The following AFM variants were observed in gnomAD, a reference collection of about 807,000 sequenced individuals.
The protein encoded by AFM is alpha-Alb.
AFM carries 82 observed loss-of-function variants against 68.7 expected under a neutral mutation model. That is an observed-to-expected ratio of 1.19 (90% CI 1.00 to 1.43). The LOEUF (loss-of-function observed/expected upper bound fraction) is 1.43, where lower values mean the gene tolerates loss of function less well. AFM is among the 40% of genes most tolerant of loss of function. The probability of loss-of-function intolerance (pLI) is 0.00; values close to 1 mark genes in which losing one functional copy is unlikely to be tolerated. For missense variants in AFM, 772 were observed against 701.8 expected, an observed-to-expected ratio of 1.10 and a Z score of -1.13; for synonymous variants, 250 against 234.2, an observed-to-expected ratio of 1.07 and a Z score of -0.61.
At chr4:73,490,534 C>A (rs909862178) in intron 7 of AFM, among the ~76,000 whole-genome samples, 5 of 152,180 alleles carry the variant, frequency 3.3e-5, no homozygotes, top group African/African-American at 1.2e-4. Flanking sequence ...ATTCTCCTGC[C>A]TCAGCCTCCT....
rs755531116 is a variant in AFM, at chr4:73,501,780, GC to G, written c.1647-5del. 117 of 1,609,754 alleles carry G rather than the reference GC, an allele frequency of 7.3e-5. 1 individual carries two copies. The South Asian group carries it at 8.9e-4, about 12-fold the overall frequency. ...AATTAATTTTATTTGACATCTTTTG[GC>G]CACAGGTTTCTTGTCAACTTAGTGA... On this transcript the variant is annotated splice_region_variant and splice_polypyrimidine_tract_variant and intron_variant, in intron 12 of 14. Coordinates refer to ENST00000226355, the MANE Select transcript of AFM (RefSeq NM_001133.2).
rs772223975 is a variant in AFM, at chr4:73,495,399, C to T, written c.1158C>T (p.Asn386=). Reference sequence around the variant, plus strand: ...AAGATCTCCTGAGAAATTGCTGCAACACAGAAAACCCTCCAGGTTGTTACC... The same window carrying T: ...AAGATCTCCTGAGAAATTGCTGCAATACAGAAAACCCTCCAGGTTGTTACC... ...IYKDLLRNCC[N]TENPPGCYRY... is the part of the protein sequence containing the mutation. Residue 386 remains asparagine (N), a synonymous_variant, in exon 9 of 15, where the codon AAC becomes AAT. Coordinates refer to ENST00000226355, the MANE Select transcript of AFM (RefSeq NM_001133.2). 6.2e-7 allele frequency: 1 copy of T among 1,613,188 alleles called. No individual in the cohort carries two copies. The highest frequency in any genetic ancestry group is 1.1e-5 in the South Asian group (1 of 90,922).
At chr4:73,494,817 G>A (rs184107649) in intron 8 of AFM, among the ~76,000 whole-genome samples, 117 of 152,250 alleles carry the variant, frequency 7.7e-4, no homozygotes, top group African/African-American at 2.6e-3. Flanking sequence ...AGCTGAAGGC[G>A]TAAACACTCC....
At chr4:73,489,387 T>C (rs1209004698) in intron 7 of AFM, among the ~76,000 whole-genome samples, 1 of 152,174 alleles carries the variant, frequency 6.6e-6, no homozygotes, top group East Asian at 1.9e-4. Context: ...TATGTATGTG[T>C]ATATATAACA....
At chr4:73,485,533 C>G (rs1424782841) in intron 3 of AFM, among the ~76,000 whole-genome samples, 1 of 143,960 alleles carries the variant, frequency 6.9e-6, no homozygotes, top group Non-Finnish European at 1.5e-5. Flanking sequence ...AAAGAAGAAG[C>G]AGAAAACAAG....
chr4:73,487,871 G>A, intron 6 of AFM, 50 bp downstream of exon 6: 1 of 1,314,256 alleles, frequency 7.6e-7, no homozygotes, highest in Non-Finnish European at 1.1e-6. Flanking sequence ...CCTTGTCTGT[G>A]TCCCATTTTT....
At chr4:73,485,588 G>A (rs867804632) in intron 3 of AFM, among the ~76,000 whole-genome samples, 77 of 134,810 alleles carry the variant, frequency 5.7e-4, no homozygotes, top group Middle Eastern at 3.6e-3. Flanking sequence ...AGAAGGAGAA[G>A]GAGAAGAGGA....
Position 73,485,442 on chromosome 4 carries a change from T to C in AFM, c.271-420T>C, listed in dbSNP as rs555128154. On this transcript the variant is annotated intron_variant, in intron 3 of 14. Coordinates refer to ENST00000226355, the MANE Select transcript of AFM (RefSeq NM_001133.2). ...GATTTGGCACACCTGTTCTCCCAGCTATTTAGGACACTTTGGCTGGAGGAT... is the reference window on the plus strand; with the variant it reads ...GATTTGGCACACCTGTTCTCCCAGCCATTTAGGACACTTTGGCTGGAGGAT... Among the ~76,000 whole-genome samples the C allele has an allele frequency of 2.0e-5, 3 of 152,128 alleles. No individual in the cohort carries two copies. In the East Asian group the frequency reaches 5.8e-4, roughly 29 times the overall value.
chr4:73,488,698 A>G lies in AFM; in HGVS notation c.782A>G (p.Asp261Gly), dbSNP rs761124562. 6.2e-7 allele frequency: 1 copy of G among 1,613,210 alleles called. No individual in the cohort carries two copies. Among genetic ancestry groups the G allele is most frequent in the African/African-American group, 1.3e-5 (1 of 74,918 alleles). The change falls in exon 7 of 15, where the codon GAT becomes GGT. Residue 261 changes from aspartate to glycine, a missense_variant. Physicochemically the swap from Asp to Gly is moderately conservative, Grantham distance 94. Transcript: ENST00000226355. ...AAGGAGCTTATTTCTCTTGTAGAAGATGTTTCTTCCAACTATGATGGATGC... is the reference window on the plus strand; with the variant it reads ...AAGGAGCTTATTTCTCTTGTAGAAGGTGTTTCTTCCAACTATGATGGATGC... ...EFKELISLVE[D>G]VSSNYDGCCE...
intron 1 of AFM, 56 bp from the exon 2 acceptor site, chr4:73,483,885 T>G: frequency 7.2e-7 from 1 of 1,394,730 alleles, no homozygotes; most frequent in Non-Finnish European, 9.8e-7. Context: ...AGTTATTTAT[T>G]TGAAAAATGT....
At chr4:73,502,199 A>G (rs1721439894) in intron 13 of AFM, among the ~76,000 whole-genome samples, 1 of 152,116 alleles carries the variant, frequency 6.6e-6, no homozygotes, top group African/African-American at 2.4e-5. Flanking sequence ...TTAAATGAGG[A>G]TGGTAATAAT....
Position 73,485,891 on chromosome 4 carries a change from T to G in AFM, c.300T>G (p.Ala100=), listed in dbSNP as rs747490603. ...ATGTTTTACAGGAAAAAATATGTGC[T>G]ATGGAGGGGCTGCCACAAAAGCATA... ...PNNVLQEKIC[A]MEGLPQKHNF... The change falls in exon 4 of 15, where the codon GCT becomes GCG. Residue 100 remains alanine (A), a synonymous_variant. Transcript: ENST00000226355. 7 of 1,613,882 alleles carry G rather than the reference T, an allele frequency of 4.3e-6. No individual in the cohort carries two copies. The African/African-American group carries it at 9.3e-5, about 22-fold the overall frequency.
intron 9 of AFM, 144 bp downstream of exon 9, chr4:73,495,576 A>T: frequency 9.5e-7 from 1 of 1,053,142 alleles, no homozygotes; most frequent in Non-Finnish European, 1.3e-6. Context: ...GCCTAAGAAG[A>T]TTATTGGGAA....
At chr4:73,485,829 C>A (rs1442976153) in intron 3 of AFM, 33 bp from the exon 4 acceptor site, 1 of 1,568,858 alleles carries the variant, frequency 6.4e-7, no homozygotes, top group East Asian at 2.2e-5. Flanking sequence ...TTTACCATGA[C>A]TAAAAATTGT....
At chr4:73,485,693 G>C (rs183371041) in intron 3 of AFM, among the ~76,000 whole-genome samples, 169 bp from the exon 4 acceptor site, 1 of 145,722 alleles carries the variant, frequency 6.9e-6, no homozygotes, top group African/African-American at 2.5e-5. Flanking sequence ...AGAGAAGGAG[G>C]GGGGGAAGGG....
At chr4:73,485,720 GGAAGGGGAAGGA>G in intron 3 of AFM, 130 bp from the exon 4 acceptor site, 1 of 620,214 alleles carries the variant, frequency 1.6e-6, no homozygotes, top group African/African-American at 1.9e-5. Flanking sequence ...AAGGGGAAGG[GGAAGGGGAAGGA>G]GAGGAGTAGG....
At chr4:73,498,647 T>C (rs948767510) in intron 10 of AFM, among the ~76,000 whole-genome samples, 1 of 152,232 alleles carries the variant, frequency 6.6e-6, no homozygotes, top group Non-Finnish European at 1.5e-5. Context: ...TTTAAAAATA[T>C]CTGACTTTCC....
At chr4:73,493,753 C>T (rs1199680512) in intron 8 of AFM, among the ~76,000 whole-genome samples, 1 of 152,176 alleles carries the variant, frequency 6.6e-6, no homozygotes, top group Non-Finnish European at 1.5e-5. Context: ...TAACTACTGT[C>T]CTCTACGGCT....
At chr4:73,482,905 C>T (rs1049244455) in intron 1 of AFM, among the ~76,000 whole-genome samples, 11 of 152,254 alleles carry the variant, frequency 7.2e-5, no homozygotes, top group Middle Eastern at 6.8e-3. Flanking sequence ...AGATTACTAT[C>T]CTATATAAAC....
Sources: allele counts gnomAD v4.1 joint callset (sites outside exome capture counted in the v4.1 genomes callset), GRCh38; gene constraint gnomAD v4.1.1; transcripts MANE v1.5; gene names NCBI Gene and HGNC (gene_info 2026-07-23, HGNC 2026-07-21).